Variants in TMEM135 observed in about 807,000 individuals in gnomAD.
TMEM135 encodes transmembrane protein 135.
A neutral mutation model predicts 60.3 loss-of-function variants in TMEM135; 30 were observed. That is an observed-to-expected ratio of 0.50 (90% CI 0.37 to 0.68). TMEM135 has a LOEUF of 0.68. Among genes scored for constraint, TMEM135 ranks in the 30% least tolerant of loss-of-function variants. The probability of loss-of-function intolerance (pLI) is 0.00; values close to 1 mark genes in which losing one functional copy is unlikely to be tolerated. For synonymous variants in TMEM135, 190 were observed against 186.7 expected, an observed-to-expected ratio of 1.02 and a Z score of -0.14; for missense variants, 468 against 548.8, an observed-to-expected ratio of 0.85 and a Z score of 1.47.
intron 5 of TMEM135, among the ~76,000 whole-genome samples, chr11:87,187,000 A>T (rs1264665354): frequency 6.6e-6 from 1 of 152,216 alleles, no homozygotes; most frequent in South Asian, 2.1e-4. Context: ...TATGATTTAT[A>T]ATCAGGTGGG....
At chr11:87,133,409 A>G (rs1187351597) in intron 4 of TMEM135, among the ~76,000 whole-genome samples, 1 of 152,166 alleles carries the variant, frequency 6.6e-6, no homozygotes, top group African/African-American at 2.4e-5. Context: ...CACCACTCAC[A>G]TACCTCATGG....
intron 5 of TMEM135, among the ~76,000 whole-genome samples, chr11:87,226,930 T>C (rs76852867): frequency 0.12 from 18,098 of 152,074 alleles, 1,449 homozygotes; most frequent in African/African-American, 0.23. Flanking sequence ...ATGCCTATAA[T>C]CCCAGCTGCT....
chr11:87,079,388 T>TG (rs1363385001), intron 3 of TMEM135, among the ~76,000 whole-genome samples: 1 of 152,224 alleles, frequency 6.6e-6, no homozygotes, highest in Non-Finnish European at 1.5e-5. Context: ...GTCGGTAGTG[T>TG]GAAGTAGAGA....
At chr11:87,124,552 T>G (rs596912) in intron 4 of TMEM135, among the ~76,000 whole-genome samples, 3 of 151,884 alleles carry the variant, frequency 2.0e-5, no homozygotes, top group African/African-American at 7.3e-5. Flanking sequence ...TTCAATGACA[T>G]TTTTTGAGTC....
chr11:87,144,480 G>A (rs1343282309), intron 4 of TMEM135, among the ~76,000 whole-genome samples: 3 of 152,216 alleles, frequency 2.0e-5, no homozygotes, highest in Non-Finnish European at 1.5e-5. Context: ...ACAGGTGGCA[G>A]GCTGAATTTT....
chr11:87,259,289 A>G lies in TMEM135; in HGVS notation c.509+22605A>G, dbSNP rs146363940. 19 of 366,024 alleles carry G rather than the reference A, an allele frequency of 5.2e-5. No homozygotes were observed. In the East Asian group the frequency reaches 1.1e-3, roughly 22 times the overall value. The allele number at this position is 366,024 out of a possible 1,614,324, so 22.7% of individuals were successfully genotyped here. On this transcript the variant is annotated intron_variant, in intron 6 of 14. Coordinates refer to ENST00000305494, the MANE Select transcript of TMEM135 (RefSeq NM_022918.4). ...CTGTAGGGGACACCAGAAGTGGAAA[A>G]AAAGGATAGGGAAAAGATATTTCCA...
intron 4 of TMEM135, among the ~76,000 whole-genome samples, chr11:87,154,612 ATTTCTCCACATCCTTCTCAACACT>A (rs992096203): frequency 2.6e-5 from 4 of 152,136 alleles, no homozygotes; most frequent in African/African-American, 9.7e-5. Flanking sequence ...AAGGGTTCCA[ATTTCTCCACATCCTTCTCAACACT>A]TGATATCTTC....
At chr11:87,187,305 T>A (rs1341408085) in intron 5 of TMEM135, among the ~76,000 whole-genome samples, 1 of 152,208 alleles carries the variant, frequency 6.6e-6, no homozygotes, top group Non-Finnish European at 1.5e-5. Flanking sequence ...AGGGAAAGTA[T>A]GTGTACTAAG....
At chr11:87,288,139 T>C (rs1942202697) in intron 6 of TMEM135, among the ~76,000 whole-genome samples, 1 of 152,208 alleles carries the variant, frequency 6.6e-6, no homozygotes, top group East Asian at 1.9e-4. Context: ...TTAGAGGACT[T>C]TCTGTAACAA....
intron 12 of TMEM135, among the ~76,000 whole-genome samples, chr11:87,317,376 G>A (rs1042448282): frequency 1.2e-4 from 18 of 151,990 alleles, no homozygotes; most frequent in African/African-American, 4.3e-4. Flanking sequence ...AATGGCCAAT[G>A]TATATTTATC....
At position 87,321,561 on chromosome 11, in the gene TMEM135, A is replaced by G; in HGVS notation, c.*228A>G. 1.5e-6 allele frequency: 1 copy of G among 661,160 alleles called. No homozygotes were observed. 41.0% of individuals were successfully genotyped at this position (661,160 alleles called of 1,614,324 possible). ...CCAGAATAAGATTCTGGATCACTGT[A>G]GTGACTGACATTATATATTATTGAT... is the stretch of plus-strand genomic sequence containing the variant. On this transcript the variant is annotated 3_prime_UTR_variant, in exon 15 of 15. Transcript: ENST00000305494.
At chr11:87,276,152 C>G (rs1276110181) in intron 6 of TMEM135, among the ~76,000 whole-genome samples, 3 of 152,098 alleles carry the variant, frequency 2.0e-5, no homozygotes, top group Non-Finnish European at 4.4e-5. Context: ...GACACTAACG[C>G]ACATAAATCC....
intron 3 of TMEM135, among the ~76,000 whole-genome samples, chr11:87,087,910 G>A (rs2513222): frequency 0.41 from 61,479 of 151,504 alleles, 13,546 homozygotes; most frequent in East Asian, 0.65. Flanking sequence ...CTAATTTTTT[G>A]TATTTTTAGT....
At chr11:87,229,898 T>A (rs1940854888) in intron 5 of TMEM135, among the ~76,000 whole-genome samples, 2 of 152,172 alleles carry the variant, frequency 1.3e-5, no homozygotes, top group Admixed American at 1.3e-4. Flanking sequence ...ATCATGTACA[T>A]GCATTACTTT....
intron 5 of TMEM135, among the ~76,000 whole-genome samples, chr11:87,166,990 G>C (rs374131457): frequency 1.1e-4 from 17 of 152,168 alleles, no homozygotes; most frequent in African/African-American, 1.7e-4. Context: ...CTTGAGCAGT[G>C]GTTTCTGGAT....
rs149271308 is a variant in TMEM135, at chr11:87,176,424, T to C, written c.462+19018T>C. Among the ~76,000 whole-genome samples the C allele has an allele frequency of 3.2e-4, 48 of 152,210 alleles. 1 individual carries two copies. In the East Asian group the frequency reaches 6.9e-3, roughly 22 times the overall value. Reference sequence around the variant, plus strand: ...AACCATGAGCCAAATGAATCCCTTTTTAAAAAAATAAATCACCCAATCTCA... The same window carrying C: ...AACCATGAGCCAAATGAATCCCTTTCTAAAAAAATAAATCACCCAATCTCA... On this transcript the variant is annotated intron_variant, in intron 5 of 14. Transcript: ENST00000305494.
rs149803376 is a variant in TMEM135, at chr11:87,109,226, C to T, written c.396+17831C>T. On this transcript the variant is annotated intron_variant, in intron 4 of 14. Transcript: ENST00000305494. Reference sequence around the variant, plus strand: ...TGTAAAGTTGTCCCCCTTTATCTGCCGCTAAATACGTGTTCAAAGACCTCC... The same window carrying T: ...TGTAAAGTTGTCCCCCTTTATCTGCTGCTAAATACGTGTTCAAAGACCTCC... Among the ~76,000 whole-genome samples the T allele has an allele frequency of 2.2e-3, 340 of 152,160 alleles. 2 individuals are homozygous for T. The highest frequency in any genetic ancestry group is 7.7e-3 in the African/African-American group (319 of 41,502).
At position 87,322,303 on chromosome 11, in the gene TMEM135, A is replaced by C. The variant is rs1342873644; in HGVS notation, c.*970A>C. On this transcript the variant is annotated 3_prime_UTR_variant, in exon 15 of 15. Coordinates refer to ENST00000305494, the MANE Select transcript of TMEM135 (RefSeq NM_022918.4). Reference sequence around the variant, plus strand: ...CTCAGCTGTTTAACTTATGTAATGGATGTTTTGCACCTGAAAACACTATAA... The same window carrying C: ...CTCAGCTGTTTAACTTATGTAATGGCTGTTTTGCACCTGAAAACACTATAA... The C allele has an allele frequency of 2.2e-6, 1 of 453,908 alleles. No homozygotes were observed. The highest frequency in any genetic ancestry group is 2.0e-5 in the African/African-American group (1 of 49,966). The allele number at this position is 453,908 out of a possible 1,614,324, so 28.1% of individuals were successfully genotyped here.
intron 5 of TMEM135, among the ~76,000 whole-genome samples, chr11:87,207,037 G>T (rs937491922): frequency 6.6e-6 from 1 of 152,146 alleles, no homozygotes; most frequent in East Asian, 1.9e-4. Flanking sequence ...GGATAGCTAA[G>T]CTGCCAAAGT....
Sources: allele counts gnomAD v4.1 joint callset (sites outside exome capture counted in the v4.1 genomes callset), GRCh38; gene constraint gnomAD v4.1.1; transcripts MANE v1.5; gene names NCBI Gene and HGNC (gene_info 2026-07-23, HGNC 2026-07-21).